C11orf65: variants seen among roughly 807,000 people sequenced by gnomAD.
C11orf65 encodes chromosome 11 open reading frame 65.
A neutral mutation model predicts 35.3 loss-of-function variants in C11orf65; 38 were observed. That is an observed-to-expected ratio of 1.08 (90% CI 0.83 to 1.41). The LOEUF is 1.41. C11orf65 is among the 40% of genes most tolerant of loss of function. C11orf65 has a pLI of 0.00. For missense variants in C11orf65, 370 were observed against 367.1 expected (o/e 1.01, Z -0.06); for synonymous variants, 105 against 114.4 (o/e 0.92, Z 0.53).
At chr11:108,416,793 C>T (rs1478474772) in intron 3 of C11orf65, among the ~76,000 whole-genome samples, 1 of 152,068 alleles carries the variant, frequency 6.6e-6, no homozygotes, top group Non-Finnish European at 1.5e-5. Context: ...TAATTCTTTG[C>T]TGGTCGGAAT....
chr11:108,469,051 AG>A (rs1325509668), upstream of C11orf65, among the ~76,000 whole-genome samples: 1 of 151,978 alleles, frequency 6.6e-6, no homozygotes, highest in Non-Finnish European at 1.5e-5. Flanking sequence ...TTACTGTGTT[AG>A]CCAGGATGGT....
chr11:108,333,032 G>A, intron 3 of C11orf65: 3 of 1,176,696 alleles, frequency 2.5e-6, no homozygotes, highest in Non-Finnish European at 3.6e-6. Flanking sequence ...ATTTATATCT[G>A]ATGGCTTCAG....
chr11:108,331,459 A>T lies in C11orf65; in HGVS notation c.*91T>A, dbSNP rs146069748. On this transcript the variant is annotated 3_prime_UTR_variant, in exon 4 of 4. Transcript: ENST00000524755. The stretch of plus-strand genomic sequence containing the variant: ...TTAATGGTAGAGAGACGGAATGAAG[A>T]TTCCAACATATAAATTTTTGCCTCT... The T allele has an allele frequency of 1.9e-6, 3 of 1,613,218 alleles. No individual in the cohort carries two copies. The highest frequency in any genetic ancestry group is 2.7e-5 in the African/African-American group (2 of 74,864).
intron 2 of C11orf65, among the ~76,000 whole-genome samples, chr11:108,376,695 GT>G (rs1312939220): frequency 6.6e-6 from 1 of 152,060 alleles, no homozygotes; most frequent in African/African-American, 2.4e-5. Context: ...CCAGGAGCTG[GT>G]TTTTTGAAAG....
chr11:108,437,707 T>TTA (rs2093083353), intron 2 of C11orf65, among the ~76,000 whole-genome samples: 1 of 38,032 alleles, frequency 2.6e-5, no homozygotes, highest in African/African-American at 1.4e-4. Context: ...GACTCAGTCT[T>TTA]AAAAAAAAAA....
chr11:108,386,359 A>C (rs1183271046), intron 7 of C11orf65, among the ~76,000 whole-genome samples: 2 of 152,232 alleles, frequency 1.3e-5, no homozygotes, highest in Non-Finnish European at 2.9e-5. Flanking sequence ...ACAACAACAA[A>C]AACTTTCTCC....
chr11:108,400,686 A>G (rs964548624), intron 6 of C11orf65, among the ~76,000 whole-genome samples: 1 of 152,212 alleles, frequency 6.6e-6, no homozygotes, highest in Non-Finnish European at 1.5e-5. Flanking sequence ...TTGTGCCATC[A>G]GCTGACCTCT....
intron 3 of C11orf65, among the ~76,000 whole-genome samples, chr11:108,418,765 GA>G (rs201728352): frequency 1.3e-5 from 2 of 150,504 alleles, no homozygotes; most frequent in East Asian, 1.9e-4. Context: ...GACTGCTCAA[GA>G]AAAAAAAGAG....
chr11:108,440,928 T>C (rs4754322), intron 2 of C11orf65, among the ~76,000 whole-genome samples: 65,385 of 151,958 alleles, frequency 0.43, 14,360 homozygotes, highest in Middle Eastern at 0.66. Context: ...GACAGGTGAT[T>C]TCGGCATTTC....
intron 3 of C11orf65, among the ~76,000 whole-genome samples, chr11:108,410,858 G>A (rs1204819576): frequency 4.0e-5 from 6 of 151,692 alleles, no homozygotes; most frequent in African/African-American, 1.5e-4. Context: ...ACAGGCACAC[G>A]CAACCACGAC....
chr11:108,434,278 G>A (rs1262249241), intron 2 of C11orf65, among the ~76,000 whole-genome samples: 1 of 152,066 alleles, frequency 6.6e-6, no homozygotes, highest in Non-Finnish European at 1.5e-5. Context: ...GCTAAGGCAG[G>A]TGGATCACTT....
intron 3 of C11orf65, among the ~76,000 whole-genome samples, chr11:108,430,470 T>C (rs2092971256): frequency 6.6e-6 from 1 of 151,896 alleles, no homozygotes; most frequent in East Asian, 1.9e-4. Context: ...GTTAAGATAG[T>C]AAATTTTATA....
Position 108,322,521 on chromosome 11 carries a change from G to A in C11orf65, c.641-13450C>T, listed in dbSNP as rs895547166. Among the ~76,000 whole-genome samples the A allele has an allele frequency of 6.3e-4, 96 of 152,188 alleles. 4 individuals are homozygous for A. Among genetic ancestry groups the A allele is most frequent in the Non-Finnish European group, 1.5e-5 (1 of 68,030 alleles). Reference sequence around the variant, plus strand: ...AACATTCAGTGGATAGTGGATGTCAGTTAATTTGTAAAAGGTGTTCAGAAG... The same window carrying A: ...AACATTCAGTGGATAGTGGATGTCAATTAATTTGTAAAAGGTGTTCAGAAG... On this transcript the variant is annotated intron_variant, in intron 6 of 6. Transcript: ENST00000525729.
chr11:108,433,222 C>T (rs973017893), intron 2 of C11orf65, among the ~76,000 whole-genome samples: 3 of 149,566 alleles, frequency 2.0e-5, no homozygotes, highest in Non-Finnish European at 3.0e-5. Context: ...TTTGGAGGGG[C>T]GAGGCATTAA....
At chr11:108,387,659 A>C (rs2092043488) in intron 7 of C11orf65, among the ~76,000 whole-genome samples, 1 of 151,926 alleles carries the variant, frequency 6.6e-6, no homozygotes, top group African/African-American at 2.4e-5. Flanking sequence ...TCCTGAATAG[A>C]TGGGACCACA....
At position 108,382,962 on chromosome 11, in the gene C11orf65, G is replaced by A; in HGVS notation, c.*59C>T. The A allele has an allele frequency of 6.2e-7, 1 of 1,600,048 alleles. No homozygotes were observed. The stretch of plus-strand genomic sequence containing the variant: ...TCCAGTCAGAATACACTATCTCTTG[G>A]CTATAACTGATGGATGGAAGGCTCA... On this transcript the variant is annotated 3_prime_UTR_variant, in exon 9 of 9. Transcript: ENST00000393084.
chr11:108,362,520 T>G (rs2090890804), intron 2 of C11orf65, among the ~76,000 whole-genome samples: 1 of 149,656 alleles, frequency 6.7e-6, no homozygotes. Flanking sequence ...TGCGGCATTA[T>G]TCACAATAGC....
intron 6 of C11orf65, among the ~76,000 whole-genome samples, chr11:108,313,533 C>A (rs1028986698): frequency 6.6e-6 from 1 of 152,168 alleles, no homozygotes; most frequent in Admixed American, 6.5e-5. Flanking sequence ...ATTAATACTT[C>A]ACATCATCAA....
At position 108,314,522 on chromosome 11, in the gene C11orf65, G is replaced by A. The variant is rs150387680; in HGVS notation, c.641-5451C>T. ...TATTTCTTATCTAATTCATGAAATTGTAGGCAATTCTTCTCGGGTAGACTA... is the reference window on the plus strand; with the variant it reads ...TATTTCTTATCTAATTCATGAAATTATAGGCAATTCTTCTCGGGTAGACTA... On this transcript the variant is annotated intron_variant, in intron 6 of 6. Coordinates refer to the C11orf65 transcript ENST00000525729. 6.0e-3 allele frequency among the ~76,000 whole-genome samples: 916 copies of A among 151,636 alleles called. 6 individuals carry two copies. The highest frequency in any genetic ancestry group is 0.011 in the East Asian group (54 of 5,142).
Sources: gnomAD v4.1 joint callset for allele counts (sites outside exome capture counted in the v4.1 genomes callset) on GRCh38, gnomAD v4.1.1 for gene constraint, MANE v1.5 for transcripts, NCBI Gene and HGNC (gene_info 2026-07-23, HGNC 2026-07-21) for gene names.